POLD1: variants seen among roughly 807,000 people sequenced by gnomAD.
The protein encoded by POLD1 is DNA polymerase delta 1, catalytic subunit.
A neutral mutation model predicts 129.7 loss-of-function variants in POLD1; 79 were observed. The ratio of observed to expected loss-of-function variants is 0.61; its 90% CI spans 0.51 to 0.73. The LOEUF (loss-of-function observed/expected upper bound fraction) is 0.73, where lower values mean the gene tolerates loss of function less well. POLD1 is among the 30% of genes least tolerant of loss of function. The pLI is 0.00. For missense variants in POLD1, 1,338 were observed against 1,595.8 expected, an observed-to-expected ratio of 0.84 and a Z score of 2.75; for synonymous variants, 714 against 683.3, an observed-to-expected ratio of 1.04 and a Z score of -0.70.
Position 50,409,335 on chromosome 19 carries a change from G to T in POLD1, c.2006+100G>T. 8.2e-7 allele frequency: 1 copy of T among 1,212,486 alleles called. No individual in the cohort carries two copies. Among genetic ancestry groups the T allele is most frequent in the East Asian group, 2.4e-5 (1 of 42,254 alleles). 75.1% of individuals were successfully genotyped at this position (1,212,486 alleles called of 1,614,324 possible). Reference sequence around the variant, plus strand: ...CACCCCAGGGCTGCCCAGCCACCCTGCCCTCAGCTGTGCGTGAATTAGCAC... The same window carrying T: ...CACCCCAGGGCTGCCCAGCCACCCTTCCCTCAGCTGTGCGTGAATTAGCAC... On this transcript the variant is annotated intron_variant, in intron 16 of 26. Transcript: ENST00000440232. This position sits in a 1 kb window ranked among gnomAD's most constrained non-coding sequence, Gnocchi z 5.8.
At chr19:50,401,698 C>T in intron 3 of POLD1, 80 bp from the exon 4 acceptor site, 1 of 1,513,118 alleles carries the variant, frequency 6.6e-7, no homozygotes, top group Non-Finnish European at 9.1e-7. Context: ...CTGCAGGCCC[C>T]AAGGTATTTC....
Position 50,409,719 on chromosome 19 carries a change from A to G in POLD1, c.2154+53A>G, listed in dbSNP as rs2122392263. The G allele has an allele frequency of 1.3e-6, 2 of 1,537,582 alleles. No individual in the cohort carries two copies. The highest frequency in any genetic ancestry group is 1.8e-6 in the Non-Finnish European group (2 of 1,137,978). ...CTGGGGGCAGGTGGGCCCCCTGTGT[A>G]GGAGACCAGGGCTCCATGTGGGGGA... On this transcript the variant is annotated intron_variant, in intron 17 of 26. Coordinates refer to ENST00000440232, the MANE Select transcript of POLD1 (RefSeq NM_002691.4). This position sits in a 1 kb window ranked among gnomAD's most constrained non-coding sequence, Gnocchi z 5.8.
At chr19:50,391,858 G>T (rs150218440) in intron 1 of POLD1, among the ~76,000 whole-genome samples, 1 of 151,052 alleles carries the variant, frequency 6.6e-6, no homozygotes, top group Admixed American at 6.6e-5. Flanking sequence ...GATTATAGGC[G>T]CCCGCCACCA....
chr19:50,391,628 G>A (rs904274690), intron 1 of POLD1, among the ~76,000 whole-genome samples: 3 of 151,134 alleles, frequency 2.0e-5, no homozygotes, highest in African/African-American at 7.3e-5. Flanking sequence ...GGAGGTTGCC[G>A]TGAGCCGAGA....
At position 50,406,628 on chromosome 19, in the gene POLD1, G is replaced by T; in HGVS notation, c.1494+111G>T. The T allele has an allele frequency of 1.2e-6, 1 of 804,000 alleles. No homozygotes were observed. The highest frequency in any genetic ancestry group is 2.1e-6 in the Non-Finnish European group (1 of 484,020). The allele number at this position is 804,000 out of a possible 1,614,324, so 49.8% of individuals were successfully genotyped here. On this transcript the variant is annotated intron_variant, in intron 12 of 26. Coordinates refer to ENST00000440232, the MANE Select transcript of POLD1 (RefSeq NM_002691.4). This position sits in a 1 kb window ranked among gnomAD's most constrained non-coding sequence, Gnocchi z 5.5. The stretch of plus-strand genomic sequence containing the variant: ...CACGTCTGACCTCACTCTTTGACCT[G>T]CTGTTATGACCTGTGACCTTACCTG...
chr19:50,391,731 T>TCC (rs1555788004), intron 1 of POLD1, among the ~76,000 whole-genome samples: 3 of 148,736 alleles, frequency 2.0e-5, no homozygotes, highest in African/African-American at 7.7e-5. Flanking sequence ...TCTTTTTTTT[T>TCC]CCCACTCCCC....
chr19:50,385,452 C>T (rs564726770), intron 1 of POLD1, among the ~76,000 whole-genome samples: 1 of 151,692 alleles, frequency 6.6e-6, no homozygotes, highest in Admixed American at 6.6e-5. Flanking sequence ...TAGAGCGGAG[C>T]CAGGAGTGGG....
At chr19:50,404,855 G>T (rs1361694545) in intron 10 of POLD1, among the ~76,000 whole-genome samples, 1 of 123,412 alleles carries the variant, frequency 8.1e-6, no homozygotes, top group Non-Finnish European at 1.5e-5. Context: ...CCCAGGGGGC[G>T]CTGGGGTGTA....
At position 50,406,314 on chromosome 19, in the gene POLD1, A is replaced by G. The variant is rs774331018; in HGVS notation, c.1375A>G (p.Met459Val). The G allele has an allele frequency of 1.2e-5, 20 of 1,613,934 alleles. No homozygotes were observed. The highest frequency in any genetic ancestry group is 1.7e-5 in the Non-Finnish European group (20 of 1,179,928). ...VSMVGRVQMDMLQVLLREYKL... is the reference protein window; with the variant it reads ...VSMVGRVQMDVLQVLLREYKL... ...CATGGTGGGCCGCGTGCAGATGGAC[A>G]TGCTGCAGGTATGGGCGGGAGGTGG... The change falls in exon 11 of 27, where the codon ATG (methionine) becomes GTG (valine). Residue 459 changes from methionine (M) to valine (V), a missense_variant. Met to Val is a conservative substitution (Grantham distance 21, BLOSUM62 1). Coordinates refer to ENST00000440232, the MANE Select transcript of POLD1 (RefSeq NM_002691.4). The surrounding 1 kb of genome is among the most constrained non-coding windows in gnomAD (Gnocchi z 5.5).
Position 50,415,558 on chromosome 19 carries a change from C to T in POLD1, c.2685C>T (p.Ala895=), listed in dbSNP as rs768990776. The T allele has an allele frequency of 1.2e-5, 19 of 1,612,340 alleles. No individual in the cohort carries two copies. The highest frequency in any genetic ancestry group is 5.0e-5 in the Admixed American group (3 of 59,940). ...KELTRAASDY[A]GKQAHVELAE... is the part of the protein sequence containing the mutation. ...TGACCCGCGCGGCCTCCGACTATGC[C>T]GGCAAGCAGGCCCACGTGGAGCTGG... Residue 895 remains alanine (A), a synonymous_variant, in exon 21 of 27, where the codon GCC becomes GCT. Transcript: ENST00000440232.
chr19:50,413,573 A>T (rs778169406), intron 18 of POLD1, 52 bp downstream of exon 18: 9 of 1,550,100 alleles, frequency 5.8e-6, no homozygotes, highest in Non-Finnish European at 8.0e-6. Flanking sequence ...AGGTGGGGGG[A>T]TGGAAGCCGG....
chr19:50,415,699 C>CCA, intron 21 of POLD1, 25 bp from the exon 22 acceptor site: 2 of 1,522,832 alleles, frequency 1.3e-6, no homozygotes, highest in Non-Finnish European at 1.8e-6. Context: ...TGCCCTCACC[C>CCA]ACCCGCCACC....
chr19:50,396,233 T>C (rs2122166776), intron 1 of POLD1, among the ~76,000 whole-genome samples: 1 of 151,020 alleles, frequency 6.6e-6, no homozygotes, highest in Middle Eastern at 3.4e-3. Flanking sequence ...ATTACAGGTG[T>C]GTACCGCCAC....
chr19:50,403,108 G>A lies in POLD1; in HGVS notation c.1026G>A (p.Leu342=). 1 of 1,564,920 alleles carries A rather than the reference G, an allele frequency of 6.4e-7. No homozygotes were observed. Among genetic ancestry groups the A allele is most frequent in the Non-Finnish European group, 8.7e-7 (1 of 1,154,242 alleles). The change falls in exon 9 of 27, where the codon CTG becomes CTA. Residue 342 remains leucine, a synonymous_variant. Transcript: ENST00000440232. ...TCATCCAGATCTGCTCGCTGGGCCT[G>A]CGCTGGGGGGAGCCGGAGCCCTTCC... is the stretch of plus-strand genomic sequence containing the variant. ...DPVIQICSLG[L]RWGEPEPFLR... is the part of the protein sequence containing the mutation.
rs764156081 is a variant in POLD1, at chr19:50,413,792, G to A, written c.2301G>A (p.Ser767=). ...TCATGTGCCGATTCGGCGTGTCCTC[G>A]GTGGCTGAGGCGATGGCCCTGGGGC... ...DSVMCRFGVS[S]VAEAMALGRE... Residue 767 remains serine, a synonymous_variant, in exon 19 of 27, where the codon TCG becomes TCA. Transcript: ENST00000440232. The A allele has an allele frequency of 2.9e-5, 47 of 1,612,320 alleles. No homozygotes were observed. Among genetic ancestry groups the A allele is most frequent in the South Asian group, 1.9e-4 (17 of 91,022 alleles).
intron 1 of POLD1, among the ~76,000 whole-genome samples, chr19:50,387,980 A>C (rs373309962): frequency 6.6e-6 from 1 of 152,226 alleles, no homozygotes; most frequent in East Asian, 1.9e-4. Flanking sequence ...CATACAGCGG[A>C]AAAGTACTCA....
chr19:50,408,733 C>T (rs1379962184), intron 14 of POLD1, 52 bp from the exon 15 acceptor site: 15 of 1,591,488 alleles, frequency 9.4e-6, no homozygotes, highest in African/African-American at 5.4e-5. Flanking sequence ...AGGGCGGGGG[C>T]GGCATGGGAA....
At position 50,409,223 on chromosome 19, in the gene POLD1, G is replaced by A. The variant is rs757053149; in HGVS notation, c.1994G>A (p.Ser665Asn). The A allele has an allele frequency of 1.9e-6, 3 of 1,608,706 alleles. No homozygotes were observed. The highest frequency in any genetic ancestry group is 2.6e-6 in the Non-Finnish European group (3 of 1,175,276). ...LLPQILENLL[S>N]ARKRAKAELA... Reference sequence around the variant, plus strand: ...CCCCAGATCCTGGAGAACCTGCTCAGTGCCCGGAAGAGGTGAGCCCTGGAG... The same window carrying A: ...CCCCAGATCCTGGAGAACCTGCTCAATGCCCGGAAGAGGTGAGCCCTGGAG... The change falls in exon 16 of 27, where the codon AGT becomes AAT. Residue 665 changes from serine (S) to asparagine (N), a missense_variant. Physicochemically the swap from Ser to Asn is conservative, Grantham distance 46. This residue lies in a region of POLD1 where 720 missense variants were observed against 1,002.6 expected (regional missense o/e 0.72). Transcript: ENST00000440232. This position sits in a 1 kb window ranked among gnomAD's most constrained non-coding sequence, Gnocchi z 5.8.
intron 3 of POLD1, among the ~76,000 whole-genome samples, chr19:50,401,281 A>G (rs2103250): frequency 0.023 from 3,257 of 144,226 alleles, 133 homozygotes; most frequent in African/African-American, 0.078. Flanking sequence ...TAATTTATGT[A>G]TAACATATAT....
Sources: gnomAD v4.1 joint callset for allele counts (sites outside exome capture counted in the v4.1 genomes callset) on GRCh38, gnomAD v4.1.1 for gene constraint, gnomAD v4.1.1 regional missense constraint, Gnocchi (gnomAD v3.1) non-coding constraint, MANE v1.5 for transcripts, NCBI Gene and HGNC (gene_info 2026-07-23, HGNC 2026-07-21) for gene names.